SYNDIG1: variants seen among roughly 807,000 people sequenced by gnomAD.
SYNDIG1 encodes synapse differentiation inducing 1.
In SYNDIG1, 9 loss-of-function variants were observed where a neutral mutation model predicts 19.4. That is an observed-to-expected ratio of 0.46 (90% CI 0.28 to 0.81). The LOEUF is 0.81. SYNDIG1 is among the 30% of genes least tolerant of loss of function. The pLI, the probability that SYNDIG1 is intolerant of heterozygous loss-of-function variation, is 0.12. For missense variants in SYNDIG1, 311 were observed against 343.3 expected, an observed-to-expected ratio of 0.91 and a Z score of 0.74; for synonymous variants, 141 against 145.9, an observed-to-expected ratio of 0.97 and a Z score of 0.24.
At chr20:24,502,673 C>G (rs1223639582) in intron 1 of SYNDIG1, among the ~76,000 whole-genome samples, 1 of 152,306 alleles carries the variant, frequency 6.6e-6, no homozygotes, top group East Asian at 1.9e-4. Flanking sequence ...CATGGATGTC[C>G]CATTCAAATC....
chr20:24,481,963 A>C (rs1316192901), intron 1 of SYNDIG1, among the ~76,000 whole-genome samples: 1 of 152,254 alleles, frequency 6.6e-6, no homozygotes, highest in Admixed American at 6.5e-5. Context: ...ATATATGTAC[A>C]CATTCTATAC....
chr20:24,607,293 G>A (rs764228338), intron 3 of SYNDIG1, among the ~76,000 whole-genome samples: 7 of 151,210 alleles, frequency 4.6e-5, no homozygotes, highest in Admixed American at 1.3e-4. Flanking sequence ...CCCAGGAGGC[G>A]GATGTTGCAA....
chr20:24,543,234 C>A lies in SYNDIG1; in HGVS notation c.137C>A (p.Pro46His). The part of the protein sequence containing the change: ...RDGLVSVYPA[P>H]QYQSHRVGAS... ...GGTCTGGTGTCTGTTTACCCAGCGC[C>A]CCAGTACCAGAGCCACCGGGTGGGG... The change falls in exon 2 of 4, where the codon CCC becomes CAC. Residue 46 changes from proline (P) to histidine (H), a missense_variant. Coordinates refer to ENST00000376862, the MANE Select transcript of SYNDIG1 (RefSeq NM_024893.3). 2 of 1,613,852 alleles carry A rather than the reference C, an allele frequency of 1.2e-6. No individual in the cohort carries two copies. The highest frequency in any genetic ancestry group is 1.7e-6 in the Non-Finnish European group (2 of 1,180,016).
rs2147032677 is a variant in SYNDIG1 at position 24,584,906 on chromosome 20, C to T, written c.531C>T (p.Pro177=). 6.2e-7 allele frequency: 1 copy of T among 1,614,132 alleles called. No homozygotes were observed. Among genetic ancestry groups the T allele is most frequent in the Non-Finnish European group, 8.5e-7 (1 of 1,180,034 alleles). Residue 177 remains proline, a synonymous_variant, in exon 3 of 4, where the codon CCC becomes CCT. Transcript: ENST00000376862. ...GTGAGGACAATTTCCTCATGATGCC[C>T]CCGCGGGACCACCTGGGCCTCAGTG... ...TESEDNFLMM[P]PRDHLGLSVF... is the part of the protein sequence containing the mutation.
intron 1 of SYNDIG1, among the ~76,000 whole-genome samples, chr20:24,473,644 G>A (rs566676733): frequency 6.6e-6 from 1 of 152,264 alleles, no homozygotes; most frequent in African/African-American, 2.4e-5. Flanking sequence ...GGCGTGCAGA[G>A]TGTCTCCTGT....
chr20:24,533,179 G>A (rs1353505266), intron 1 of SYNDIG1, among the ~76,000 whole-genome samples: 1 of 152,038 alleles, frequency 6.6e-6, no homozygotes, highest in Non-Finnish European at 1.5e-5. Context: ...CAATCAGGCA[G>A]CTTATACGCT....
At chr20:24,510,505 G>T (rs2056717075) in intron 1 of SYNDIG1, among the ~76,000 whole-genome samples, 1 of 150,518 alleles carries the variant, frequency 6.6e-6, no homozygotes, top group Non-Finnish European at 1.5e-5. Flanking sequence ...GGAGGCAGAG[G>T]TTGCAGTGAG....
chr20:24,637,844 C>T (rs1044698767), intron 3 of SYNDIG1, among the ~76,000 whole-genome samples: 1 of 152,212 alleles, frequency 6.6e-6, no homozygotes, highest in South Asian at 2.1e-4. Context: ...CGAGTCTCCC[C>T]AGCCCCAGAA....
At chr20:24,558,628 T>C (rs1315985401) in intron 2 of SYNDIG1, among the ~76,000 whole-genome samples, 1 of 152,254 alleles carries the variant, frequency 6.6e-6, no homozygotes, top group African/African-American at 2.4e-5. Context: ...TTCTTACTTC[T>C]GTTTTTGTAT....
intron 1 of SYNDIG1, among the ~76,000 whole-genome samples, chr20:24,538,772 C>G: frequency 9.6e-6 from 1 of 104,270 alleles, no homozygotes; most frequent in South Asian, 3.2e-4. Context: ...TGTTATTTTC[C>G]GTTTTTTTTT....
chr20:24,488,716 A>G (rs1218618315), intron 1 of SYNDIG1, among the ~76,000 whole-genome samples: 1 of 152,194 alleles, frequency 6.6e-6, no homozygotes, highest in Non-Finnish European at 1.5e-5. Flanking sequence ...ACGGTGTCTC[A>G]TTGATGAGCT....
chr20:24,561,352 C>T (rs2057942254), intron 2 of SYNDIG1, among the ~76,000 whole-genome samples: 1 of 152,174 alleles, frequency 6.6e-6, no homozygotes, highest in Non-Finnish European at 1.5e-5. Flanking sequence ...TGGTTGTCCT[C>T]CAATTTGCCA....
intron 2 of SYNDIG1, among the ~76,000 whole-genome samples, chr20:24,556,606 T>G (rs1013036958): frequency 2.0e-5 from 3 of 152,232 alleles, no homozygotes; most frequent in Admixed American, 1.3e-4. Flanking sequence ...TTGAAAATTC[T>G]TTTCTTTAAG....
chr20:24,649,713 C>T (rs2059451386), intron 3 of SYNDIG1, among the ~76,000 whole-genome samples: 1 of 152,164 alleles, frequency 6.6e-6, no homozygotes, highest in African/African-American at 2.4e-5. Context: ...CTCAGCCACA[C>T]ACCCCCAGTC....
intron 3 of SYNDIG1, among the ~76,000 whole-genome samples, chr20:24,605,964 G>A (rs1382863864): frequency 1.3e-5 from 2 of 152,196 alleles, no homozygotes; most frequent in East Asian, 3.8e-4. Context: ...TTAGAATTTA[G>A]CATGCCTCCG....
chr20:24,543,321 A>G lies in SYNDIG1; in HGVS notation c.224A>G (p.Asp75Gly), dbSNP rs1298795483. The G allele has an allele frequency of 1.2e-6, 2 of 1,613,246 alleles. No individual in the cohort carries two copies. The highest frequency in any genetic ancestry group is 1.7e-6 in the Non-Finnish European group (2 of 1,179,946). The change falls in exon 2 of 4, where the codon GAC becomes GGC. Residue 75 changes from aspartate to glycine, a missense_variant. Physicochemically the swap from Asp to Gly is moderately conservative, Grantham distance 94. Coordinates refer to ENST00000376862, the MANE Select transcript of SYNDIG1 (RefSeq NM_024893.3). The part of the protein sequence containing the change: ...SRSEPMQQLL[D>G]PNTLQQSVES... Reference sequence around the variant, plus strand: ...AGTGAGCCGATGCAGCAGCTGCTGGACCCCAACACCCTGCAGCAGTCAGTG... The same window carrying G: ...AGTGAGCCGATGCAGCAGCTGCTGGGCCCCAACACCCTGCAGCAGTCAGTG...
At chr20:24,622,826 A>T (rs1464706034) in intron 3 of SYNDIG1, among the ~76,000 whole-genome samples, 1 of 152,236 alleles carries the variant, frequency 6.6e-6, no homozygotes, top group Non-Finnish European at 1.5e-5. Context: ...TTAGTCATAG[A>T]CACCAAGCCA....
intron 2 of SYNDIG1, among the ~76,000 whole-genome samples, chr20:24,557,365 G>A (rs2057842494): frequency 6.6e-6 from 1 of 152,208 alleles, no homozygotes; most frequent in Non-Finnish European, 1.5e-5. Context: ...CGTTCCTTTG[G>A]AGGAGGAGAG....
At chr20:24,603,589 G>A (rs1002220635) in intron 3 of SYNDIG1, among the ~76,000 whole-genome samples, 2 of 152,168 alleles carry the variant, frequency 1.3e-5, no homozygotes, top group Admixed American at 1.3e-4. Flanking sequence ...ATGGACACAC[G>A]CCTGGGATGG....
Sources: gnomAD v4.1 joint callset for allele counts (sites outside exome capture counted in the v4.1 genomes callset) on GRCh38, gnomAD v4.1.1 for gene constraint, MANE v1.5 for transcripts, NCBI Gene and HGNC (gene_info 2026-07-23, HGNC 2026-07-21) for gene names.